The following PSMB2 variants were observed in gnomAD, a reference collection of about 807,000 sequenced individuals.
The protein encoded by PSMB2 is proteasome subunit beta type-2.
A neutral mutation model predicts 25.7 loss-of-function variants in PSMB2; 13 were observed. The ratio of observed to expected loss-of-function variants is 0.51; its 90% CI spans 0.33 to 0.80. The LOEUF (loss-of-function observed/expected upper bound fraction) is 0.80. PSMB2 is among the 30% of genes least tolerant of loss of function. The pLI, the probability that PSMB2 is intolerant of heterozygous loss-of-function variation, is 0.02. For synonymous variants in PSMB2, 87 were observed against 96.2 expected, an observed-to-expected ratio of 0.90 and a Z score of 0.56; for missense variants, 202 against 259.0, an observed-to-expected ratio of 0.78 and a Z score of 1.51.
At chr1:35,641,280 C>G in intron 1 of PSMB2, 62 bp downstream of exon 1, 1 of 1,600,642 alleles carries the variant, frequency 6.2e-7, no homozygotes, top group Non-Finnish European at 8.5e-7. Context: ...CAACCCCCGA[C>G]AAACTCCTTC....
Position 35,632,450 on chromosome 1 carries a change from T to C in PSMB2, c.215-1106A>G, listed in dbSNP as rs142855133. Among the ~76,000 whole-genome samples the C allele has an allele frequency of 3.4e-3, 516 of 152,330 alleles. 3 individuals carry two copies. The highest frequency in any genetic ancestry group is 0.012 in the African/African-American group (498 of 41,580). On this transcript the variant is annotated intron_variant, in intron 2 of 5. Coordinates refer to ENST00000373237, the MANE Select transcript of PSMB2 (RefSeq NM_002794.5). ...AAGTAATTGCTTACAACATTTCAAA[T>C]ACCACTGTCAAATTAGGAGAGATTC...
In PSMB2 at chr1:35,601,234, T is replaced by C. The variant is rs551407446; in HGVS notation, c.*2033A>G. ...GGCGTGTGCCACCACGCCTGGCTAATTGTTATATATTTTTTTAGTAGAGAT... is the reference window on the plus strand; with the variant it reads ...GGCGTGTGCCACCACGCCTGGCTAACTGTTATATATTTTTTTAGTAGAGAT... On this transcript the variant is annotated 3_prime_UTR_variant, in exon 6 of 6. Transcript: ENST00000373237. The C allele has an allele frequency of 1.0e-4, 58 of 568,732 alleles. No homozygotes were observed. The African/African-American group carries it at 1.1e-3, about 11-fold the overall frequency. 35.2% of individuals were successfully genotyped at this position (568,732 alleles called of 1,614,324 possible).
intron 1 of PSMB2, among the ~76,000 whole-genome samples, chr1:35,637,541 T>G (rs761352372): frequency 1.3e-5 from 2 of 152,216 alleles, no homozygotes; most frequent in Non-Finnish European, 2.9e-5. Flanking sequence ...ACTTTCACTT[T>G]CACTTTTCAT....
chr1:35,631,669 G>C (rs1214774123), intron 2 of PSMB2: 1 of 236,416 alleles, frequency 4.2e-6, no homozygotes, highest in Admixed American at 6.0e-5. Context: ...GAATACACAA[G>C]AAGTGAAAAA....
chr1:35,599,620 G>A lies in PSMB2; in HGVS notation c.*3647C>T, dbSNP rs1382386933. On this transcript the variant is annotated 3_prime_UTR_variant, in exon 6 of 6. Coordinates refer to ENST00000373237, the MANE Select transcript of PSMB2 (RefSeq NM_002794.5). ...TTAGGTTCGGAGAGGATTATGGAAT[G>A]CCTAGCATGTCAAATCAAAGAATTG... is the stretch of plus-strand genomic sequence containing the variant. The A allele has an allele frequency of 6.1e-6, 6 of 984,084 alleles. No homozygotes were observed. Among genetic ancestry groups the A allele is most frequent in the East Asian group, 2.3e-4 (2 of 8,822 alleles). The allele number at this position is 984,084 out of a possible 1,614,324, so 61.0% of individuals were successfully genotyped here.
At chr1:35,624,338 T>C (rs557000262) in intron 3 of PSMB2, among the ~76,000 whole-genome samples, 2 of 152,306 alleles carry the variant, frequency 1.3e-5, no homozygotes, top group Admixed American at 6.5e-5. Context: ...AACCCTCCTA[T>C]TGCAGGGCTC....
Position 35,605,226 on chromosome 1 carries a change from T to C in PSMB2, c.498+7A>G, listed in dbSNP as rs1433737575. Reference sequence around the variant, plus strand: ...ATTCCTTTCAGGATCCTATGGGAACTACTCACCTCCTCCAGACATTTCCTA... The same window carrying C: ...ATTCCTTTCAGGATCCTATGGGAACCACTCACCTCCTCCAGACATTTCCTA... On this transcript the variant is annotated splice_region_variant and intron_variant, in intron 5 of 5. Coordinates refer to ENST00000373237, the MANE Select transcript of PSMB2 (RefSeq NM_002794.5). The C allele has an allele frequency of 1.2e-6, 2 of 1,609,182 alleles. No homozygotes were observed. The highest frequency in any genetic ancestry group is 8.5e-7 in the Non-Finnish European group (1 of 1,177,048).
chr1:35,605,273 C>G lies in PSMB2; in HGVS notation c.458G>C (p.Arg153Pro). 6.2e-7 allele frequency: 1 copy of G among 1,613,224 alleles called. No individual in the cohort carries two copies. Among genetic ancestry groups the G allele is most frequent in the Non-Finnish European group, 8.5e-7 (1 of 1,179,554 alleles). The change falls in exon 5 of 6, where the codon CGT becomes CCT. Residue 153 changes from arginine (R) to proline (P), a missense_variant. Arg to Pro is a moderately radical substitution (Grantham distance 103). Transcript: ENST00000373237. Reference protein sequence around the residue: ...LDRYYTPTISRERAVELLRKC... With the variant: ...LDRYYTPTISPERAVELLRKC... ...CCTAAGGAGTTCCACTGCCCTCTCA[C>G]GTGAGATAGCTGAAAGAGAACACAG...
chr1:35,633,320 T>C (rs1651154896), intron 2 of PSMB2, among the ~76,000 whole-genome samples: 1 of 152,162 alleles, frequency 6.6e-6, no homozygotes. Flanking sequence ...CTGACCATTA[T>C]CCTAAAGGCA....
intron 3 of PSMB2, among the ~76,000 whole-genome samples, chr1:35,616,620 C>T (rs773185197): frequency 6.6e-6 from 1 of 152,208 alleles, no homozygotes; most frequent in Non-Finnish European, 1.5e-5. Context: ...TACGACTCCT[C>T]TATAGGATCT....
At position 35,603,221 on chromosome 1, in the gene PSMB2, C is replaced by G; in HGVS notation, c.*46G>C. 1 of 1,592,562 alleles carries G rather than the reference C, an allele frequency of 6.3e-7. No individual in the cohort carries two copies. Among genetic ancestry groups the G allele is most frequent in the South Asian group, 1.2e-5 (1 of 86,852 alleles). ...AAAAGAGTAGAAAAAAATAAAGGAG[C>G]CCATCAAAAAAAAGTTCCCTGGCAA... On this transcript the variant is annotated 3_prime_UTR_variant, in exon 6 of 6. Coordinates refer to ENST00000373237, the MANE Select transcript of PSMB2 (RefSeq NM_002794.5).
At chr1:35,608,726 G>C (rs1192388318) in intron 4 of PSMB2, among the ~76,000 whole-genome samples, 1 of 152,170 alleles carries the variant, frequency 6.6e-6, no homozygotes, top group African/African-American at 2.4e-5. Flanking sequence ...GCAGCCATTA[G>C]GTGACAACCA....
chr1:35,608,917 A>C (rs1039719628), intron 4 of PSMB2, among the ~76,000 whole-genome samples: 1 of 152,230 alleles, frequency 6.6e-6, no homozygotes, highest in Non-Finnish European at 1.5e-5. Flanking sequence ...AAGTGAAAAA[A>C]CTTGAACTCT....
intron 5 of PSMB2, among the ~76,000 whole-genome samples, chr1:35,604,809 G>T (rs572244544): frequency 2.0e-5 from 3 of 152,264 alleles, no homozygotes; most frequent in Admixed American, 6.5e-5. Flanking sequence ...TAGAGCAGAA[G>T]TTCTTCAAGT....
At chr1:35,628,631 A>ATATATTTT (rs1202256440) in intron 3 of PSMB2, among the ~76,000 whole-genome samples, 1 of 38,086 alleles carries the variant, frequency 2.6e-5, no homozygotes, top group African/African-American at 1.3e-4. Flanking sequence ...ATATATATAT[A>ATATATTTT]TTTTTTTTTT....
intron 3 of PSMB2, among the ~76,000 whole-genome samples, chr1:35,628,614 TATA>T (rs1557456438): frequency 5.9e-5 from 3 of 50,812 alleles, no homozygotes; most frequent in African/African-American, 2.4e-4. Flanking sequence ...TATATATATA[TATA>T]TATATATATA....
At position 35,599,718 on chromosome 1, in the gene PSMB2, G is replaced by T; in HGVS notation, c.*3549C>A. The T allele has an allele frequency of 1.3e-5, 13 of 985,100 alleles. No homozygotes were observed. Among genetic ancestry groups the T allele is most frequent in the Non-Finnish European group, 1.6e-5 (13 of 829,644 alleles). The allele number at this position is 985,100 out of a possible 1,614,324, so 61.0% of individuals were successfully genotyped here. A position where few individuals can be genotyped will look rare whatever the true frequency, so the allele number is the denominator to read the frequency against. On this transcript the variant is annotated 3_prime_UTR_variant, in exon 6 of 6. Coordinates refer to ENST00000373237, the MANE Select transcript of PSMB2 (RefSeq NM_002794.5). ...CAGAGAGGAATGGATGGTGAAACTAGTTTTTTAAAATATGGAGAAAGACCT... is the reference window on the plus strand; with the variant it reads ...CAGAGAGGAATGGATGGTGAAACTATTTTTTTAAAATATGGAGAAAGACCT...
At chr1:35,628,596 A>AAATATATATAT (rs59538661) in intron 3 of PSMB2, among the ~76,000 whole-genome samples, 25 of 25,106 alleles carry the variant, frequency 1.0e-3, no homozygotes, top group Non-Finnish European at 1.4e-3. Flanking sequence ...AAAAAAAAAA[A>AAATATATATAT]ATATATATAT....
intron 3 of PSMB2, among the ~76,000 whole-genome samples, chr1:35,628,619 A>T (rs1557456498): frequency 8.3e-5 from 4 of 48,266 alleles, no homozygotes; most frequent in African/African-American, 2.5e-4. Context: ...ATATATATAT[A>T]TATATATATA....
Sources: gnomAD v4.1 joint callset for allele counts (sites outside exome capture counted in the v4.1 genomes callset) on GRCh38, gnomAD v4.1.1 for gene constraint, MANE v1.5 for transcripts, NCBI Gene and HGNC (gene_info 2026-07-23, HGNC 2026-07-21) for gene names.